The following KMT2C variants were observed in gnomAD, a reference collection of about 807,000 sequenced individuals.
KMT2C encodes histone-lysine N-methyltransferase 2C.
KMT2C carries 88 observed loss-of-function variants against 507.9 expected under a neutral mutation model. The ratio of observed to expected loss-of-function variants is 0.17; its 90% CI spans 0.15 to 0.21. KMT2C has a LOEUF of 0.21. Ranked by LOEUF, KMT2C falls within the 10% of genes least tolerant of loss-of-function variation. KMT2C has a pLI of 1.00. For missense variants in KMT2C, 4,954 were observed against 5,957.8 expected (o/e 0.83, Z 5.55); for synonymous variants, 2,049 against 2,080.8 (o/e 0.98, Z 0.42).
chr7:152,237,282 T>C (rs2095294383), intron 15 of KMT2C, among the ~76,000 whole-genome samples: 1 of 152,262 alleles, frequency 6.6e-6, no homozygotes, highest in Admixed American at 6.5e-5. Context: ...CAAAAATTTA[T>C]GGTGATACTG....
chr7:152,419,068 T>A (rs968325932), intron 1 of KMT2C, among the ~76,000 whole-genome samples: 1 of 151,648 alleles, frequency 6.6e-6, no homozygotes, highest in Non-Finnish European at 1.5e-5. Context: ...AGAAAAAAAA[T>A]AGACTGGGCA....
rs200835623 is a variant in KMT2C at position 152,177,115 on chromosome 7, G to A, written c.8338C>T (p.Pro2780Ser). 8.7e-6 allele frequency: 14 copies of A among 1,612,928 alleles called. No homozygotes were observed. Among genetic ancestry groups the A allele is most frequent in the Non-Finnish European group, 2.5e-6 (3 of 1,179,740 alleles). The change falls in exon 38 of 59, where the codon CCA becomes TCA. Residue 2780 changes from proline to serine, a missense_variant. Pro to Ser is a moderately conservative substitution (Grantham distance 74). Coordinates refer to ENST00000262189, the MANE Select transcript of KMT2C (RefSeq NM_170606.3). Reference sequence around the variant, plus strand: ...TGATTATCTAACTTATCATCAATTGGAAGGTCTAGTTCCTCATTAAACATG... The same window carrying A: ...TGATTATCTAACTTATCATCAATTGAAAGGTCTAGTTCCTCATTAAACATG... Reference protein sequence around the residue: ...KSMFNEELDLPIDDKLDNQCV... With the variant: ...KSMFNEELDLSIDDKLDNQCV...
At chr7:152,285,348 T>G (rs1588904715) in intron 6 of KMT2C, among the ~76,000 whole-genome samples, 1 of 152,424 alleles carries the variant, frequency 6.6e-6, no homozygotes, top group Non-Finnish European at 1.5e-5. Flanking sequence ...ATGAGTGAAT[T>G]TATGGGTAAA....
At chr7:152,197,803 AAG>A (rs1358808205) in intron 27 of KMT2C, among the ~76,000 whole-genome samples, 6 of 152,150 alleles carry the variant, frequency 3.9e-5, no homozygotes, top group African/African-American at 1.4e-4. Context: ...ATAAAGTGAA[AAG>A]AGTAGTTCAA....
intron 3 of KMT2C, among the ~76,000 whole-genome samples, chr7:152,328,299 A>G (rs927577374): frequency 2.6e-5 from 4 of 152,180 alleles, no homozygotes; most frequent in Non-Finnish European, 5.9e-5. Flanking sequence ...TTCACATTGT[A>G]TGTTCTTTTT....
In KMT2C at chr7:152,415,064, T is replaced by G. The variant is rs563042208; in HGVS notation, c.161+20562A>C. On this transcript the variant is annotated intron_variant, in intron 1 of 58. Coordinates refer to ENST00000262189, the MANE Select transcript of KMT2C (RefSeq NM_170606.3). ...TCTCACCATTTTGCCCAGACTGATT[T>G]TGAAATCCTGAGCTCAAGCTATCAG... 8.7e-4 allele frequency among the ~76,000 whole-genome samples: 132 copies of G among 152,128 alleles called. 1 individual carries two copies. Among genetic ancestry groups the G allele is most frequent in the African/African-American group, 2.7e-3 (112 of 41,528 alleles).
chr7:152,339,810 TATATA>T (rs1195026974), intron 2 of KMT2C, among the ~76,000 whole-genome samples: 8 of 152,100 alleles, frequency 5.3e-5, no homozygotes, highest in African/African-American at 1.9e-4. Flanking sequence ...TAATTAATAT[TATATA>T]ATATAAAGCA....
intron 3 of KMT2C, among the ~76,000 whole-genome samples, chr7:152,327,637 TTCAA>T (rs1234805756): frequency 1.3e-5 from 2 of 152,150 alleles, no homozygotes; most frequent in Non-Finnish European, 2.9e-5. Context: ...TTAAATGCTT[TTCAA>T]TCAACTAGAA....
intron 6 of KMT2C, among the ~76,000 whole-genome samples, chr7:152,308,755 G>T (rs1244208059): frequency 6.8e-6 from 1 of 147,200 alleles, no homozygotes; most frequent in Non-Finnish European, 1.5e-5. Context: ...GAGAGGCCAA[G>T]AAGAGAAGAG....
At chr7:152,208,696 C>T (rs1400350793) in intron 23 of KMT2C, among the ~76,000 whole-genome samples, 3 of 152,188 alleles carry the variant, frequency 2.0e-5, no homozygotes, top group Non-Finnish European at 2.9e-5. Context: ...TTATCAAATA[C>T]ATTTTAAAAT....
At chr7:152,142,620 T>C (rs1182944210) in intron 55 of KMT2C, among the ~76,000 whole-genome samples, 2 of 152,258 alleles carry the variant, frequency 1.3e-5, no homozygotes, top group Admixed American at 6.5e-5. Context: ...TATTAATTCA[T>C]TGTGATATTT....
At chr7:152,221,800 C>T (rs536606690) in intron 22 of KMT2C, among the ~76,000 whole-genome samples, 1 of 152,082 alleles carries the variant, frequency 6.6e-6, no homozygotes, top group African/African-American at 2.4e-5. Context: ...TTTTTGTTGC[C>T]TACTTGCTGA....
Position 152,178,075 on chromosome 7 carries a change from G to C in KMT2C, c.7443-65C>G, listed in dbSNP as rs3778918. ...GGTATTATGTTAAATTTAGAGTTAA[G>C]TTGAAAAAAAGAAAAGTCTTCAATT... On this transcript the variant is annotated intron_variant, in intron 37 of 58. Coordinates refer to ENST00000262189, the MANE Select transcript of KMT2C (RefSeq NM_170606.3). 0.026 allele frequency: 33,321 copies of C among 1,276,022 alleles called. 1,034 individuals are homozygous for C. The highest frequency in any genetic ancestry group is 0.17 in the East Asian group (5,564 of 32,762). 79.0% of individuals were successfully genotyped at this position (1,276,022 alleles called of 1,614,324 possible). A position where few individuals can be genotyped will look rare whatever the true frequency, so the allele number is the denominator to read the frequency against.
rs1554680382 is a variant in KMT2C at position 152,364,934 on chromosome 7, G to GACAGACACACAC, written c.162-6260_162-6259insGTGTGTGTCTGT. ...AGCACAACAAAATCTGAAACAGACAGACACACACACACACACACACACACA... is the reference window on the plus strand; with the variant it reads ...AGCACAACAAAATCTGAAACAGACAGACAGACACACACACACACACACACACACACACACACA... On this transcript the variant is annotated intron_variant, in intron 1 of 58. Coordinates refer to ENST00000262189, the MANE Select transcript of KMT2C (RefSeq NM_170606.3). Among the ~76,000 whole-genome samples, 1,375 of 138,128 alleles carry GACAGACACACAC rather than the reference G, an allele frequency of 1.0e-2. 14 individuals carry two copies. The highest frequency in any genetic ancestry group is 0.027 in the East Asian group (132 of 4,858). 90.6% of individuals were successfully genotyped at this position (138,128 alleles called of 152,430 possible).
intron 1 of KMT2C, among the ~76,000 whole-genome samples, chr7:152,385,543 C>T (rs1351128616): frequency 2.1e-5 from 2 of 97,030 alleles, no homozygotes; most frequent in Admixed American, 1.2e-4. Flanking sequence ...ACCCGGGAGG[C>T]GGAGCTTGCA....
chr7:152,255,015 T>TA (rs1488049041), intron 9 of KMT2C, among the ~76,000 whole-genome samples: 2 of 149,242 alleles, frequency 1.3e-5, no homozygotes, highest in African/African-American at 4.9e-5. Flanking sequence ...AAAACACTCC[T>TA]AAAAGACACA....
intron 29 of KMT2C, 81 bp from the exon 30 acceptor site, chr7:152,194,342 GA>G (rs2093900894): frequency 7.2e-7 from 1 of 1,384,288 alleles, no homozygotes; most frequent in Non-Finnish European, 1.0e-6. Context: ...TTAACTGACA[GA>G]AATAATTAGA....
At chr7:152,152,371 C>G (rs1430345831) in intron 49 of KMT2C, among the ~76,000 whole-genome samples, 1 of 152,162 alleles carries the variant, frequency 6.6e-6, no homozygotes, top group Non-Finnish European at 1.5e-5. Flanking sequence ...CCATCTGTAC[C>G]AGGTGGCCCA....
At position 152,269,180 on chromosome 7, in the gene KMT2C, A is replaced by G. The variant is rs566346888; in HGVS notation, c.1013-3971T>C. 3.3e-5 allele frequency among the ~76,000 whole-genome samples: 5 copies of G among 152,350 alleles called. No individual in the cohort carries two copies. In the East Asian group the frequency reaches 7.7e-4, roughly 23 times the overall value. ...GTCATTGTCACAAAAATCACTTTTT[A>G]GACTATGATGATTTCCACCAATTCC... On this transcript the variant is annotated intron_variant, in intron 7 of 58. Transcript: ENST00000262189.
Sources: allele counts gnomAD v4.1 joint callset (sites outside exome capture counted in the v4.1 genomes callset), GRCh38; gene constraint gnomAD v4.1.1; transcripts MANE v1.5; gene names NCBI Gene and HGNC (gene_info 2026-07-23, HGNC 2026-07-21).